The following PSMA1 variants were observed in gnomAD, a reference collection of about 807,000 sequenced individuals.
The protein encoded by PSMA1 is proteasome subunit alpha type-1.
In PSMA1, 3 loss-of-function variants were observed where a neutral mutation model predicts 38.4. That is an observed-to-expected ratio of 0.08 (90% CI 0.04 to 0.20). The LOEUF is 0.20. Ranked by LOEUF, PSMA1 falls within the 10% of genes least tolerant of loss-of-function variation. The pLI is 1.00. For missense variants in PSMA1, 227 were observed against 325.3 expected, an observed-to-expected ratio of 0.70 and a Z score of 2.32; for synonymous variants, 101 against 107.1, an observed-to-expected ratio of 0.94 and a Z score of 0.35.
intron 2 of PSMA1, among the ~76,000 whole-genome samples, chr11:14,563,474 A>C (rs1436222677): frequency 6.6e-6 from 1 of 152,190 alleles, no homozygotes; most frequent in Non-Finnish European, 1.5e-5. Context: ...TGCTTTCAAC[A>C]GCTCTCATTT....
chr11:14,614,400 A>T (rs1852745282), intron 1 of PSMA1, among the ~76,000 whole-genome samples: 1 of 152,082 alleles, frequency 6.6e-6, no homozygotes, highest in Non-Finnish European at 1.5e-5. Flanking sequence ...ATAAGCTGAA[A>T]AAAAAAACCC....
At chr11:14,562,806 A>T (rs1436094159) in intron 2 of PSMA1, among the ~76,000 whole-genome samples, 2 of 151,996 alleles carry the variant, frequency 1.3e-5, no homozygotes, top group African/African-American at 2.4e-5. Context: ...CCTGGACTCA[A>T]GTATCTGCCC....
chr11:14,513,699 C>T lies in PSMA1; in HGVS notation c.415G>A (p.Asp139Asn), dbSNP rs777381326. The change falls in exon 7 of 10, where the codon GAT (aspartate) becomes AAT (asparagine). Residue 139 changes from aspartate to asparagine, a missense_variant and splice_region_variant. By Grantham distance (23) the Asp-to-Asn change is conservative (BLOSUM62 1). Transcript: ENST00000396394. ...GTTTGGAAAATGTGAGGGCCCATAT[C>T]CTACAAATAGAAATAAATACACCAC... Reference protein sequence around the residue: ...GVGLLIAGYDDMGPHIFQTCP... With the variant: ...GVGLLIAGYDNMGPHIFQTCP... The T allele has an allele frequency of 7.6e-6, 12 of 1,574,532 alleles. No individual in the cohort carries two copies. The highest frequency in any genetic ancestry group is 1.0e-5 in the Non-Finnish European group (12 of 1,167,314).
At chr11:14,569,710 G>A (rs940933927) in intron 2 of PSMA1, among the ~76,000 whole-genome samples, 1 of 152,232 alleles carries the variant, frequency 6.6e-6, no homozygotes, top group Non-Finnish European at 1.5e-5. Context: ...AAGCAGCCAG[G>A]AAGCTTGAAC....
intron 2 of PSMA1, among the ~76,000 whole-genome samples, chr11:14,533,857 A>C (rs183044034): frequency 1.3e-5 from 2 of 151,886 alleles, no homozygotes; most frequent in East Asian, 3.9e-4. Context: ...AATGGGAGAA[A>C]GGGGTAGTAG....
intron 5 of PSMA1, chr11:14,514,185 T>C: frequency 2.2e-6 from 3 of 1,342,528 alleles, no homozygotes; most frequent in Non-Finnish European, 2.9e-6. Context: ...TTAAATCCCC[T>C]CTAAAAAGAT....
intron 1 of PSMA1, among the ~76,000 whole-genome samples, chr11:14,621,162 GGCTA>G (rs1340319593): frequency 1.3e-5 from 2 of 152,092 alleles, no homozygotes; most frequent in African/African-American, 4.8e-5. Context: ...TTTGTGAAAT[GGCTA>G]GTGGGCATAA....
chr11:14,574,515 T>C (rs1317041932), intron 2 of PSMA1, among the ~76,000 whole-genome samples: 1 of 152,218 alleles, frequency 6.6e-6, no homozygotes, highest in Non-Finnish European at 1.5e-5. Flanking sequence ...GGTTTGGCTG[T>C]GTTCTCACCC....
chr11:14,626,371 TTCTTA>T (rs891736002), intron 1 of PSMA1, among the ~76,000 whole-genome samples: 9 of 152,222 alleles, frequency 5.9e-5, no homozygotes, highest in Non-Finnish European at 1.3e-4. Flanking sequence ...CTTGTACCTA[TTCTTA>T]TCTTATCTAT....
Position 14,598,785 on chromosome 11 carries a change from T to C in PSMA1, c.21+12181A>G, listed in dbSNP as rs1025110707. 5.9e-5 allele frequency among the ~76,000 whole-genome samples: 9 copies of C among 151,732 alleles called. 1 individual carries two copies. The highest frequency in any genetic ancestry group is 5.9e-4 in the Admixed American group (9 of 15,210). ...ATGTGTGAATTTCATCCTGTCATTA[T>C]GATGTTAGCTGGTTATTTTGCTCAT... is the stretch of plus-strand genomic sequence containing the variant. On this transcript the variant is annotated intron_variant, in intron 2 of 10. Transcript: ENST00000418988.
In PSMA1 at chr11:14,604,979, T is replaced by G. The variant is rs1852625225; in HGVS notation, c.21+5987A>C. Among the ~76,000 whole-genome samples the G allele has an allele frequency of 4.6e-5, 7 of 152,354 alleles. No individual in the cohort carries two copies. The South Asian group carries it at 1.2e-3, about 27-fold the overall frequency. On this transcript the variant is annotated intron_variant, in intron 2 of 10. Transcript: ENST00000418988. ...CTGATGAGCATCTAGGTTGATTCCA[T>G]GTCTTTGCTATTGTGAATAGTGCTG... is the stretch of plus-strand genomic sequence containing the variant.
chr11:14,638,514 TC>T (rs1853139844), intron 1 of PSMA1, among the ~76,000 whole-genome samples: 1 of 19,974 alleles, frequency 5.0e-5, no homozygotes, highest in East Asian at 1.1e-3. Flanking sequence ...CACCTCTCTC[TC>T]TCTCTCTCTC....
At position 14,638,506 on chromosome 11, in the gene PSMA1, CCTCTCT is replaced by C. The variant is rs374243163; in HGVS notation, c.-166+4943_-166+4948del. Among the ~76,000 whole-genome samples the C allele has an allele frequency of 5.2e-3, 165 of 31,890 alleles. 5 individuals are homozygous for C. Among genetic ancestry groups the C allele is most frequent in the East Asian group, 0.014 (18 of 1,304 alleles). The allele number at this position is 31,890 out of a possible 152,430, so 20.9% of individuals were successfully genotyped here. The stretch of plus-strand genomic sequence containing the variant: ...TAAGTTGGCTTAGTGGAGAAACACA[CCTCTCT>C]CTCTCTCTCTCTCTCTCTCTCTCTC... On this transcript the variant is annotated intron_variant, in intron 1 of 10. Coordinates refer to the PSMA1 transcript ENST00000418988.
intron 2 of PSMA1, among the ~76,000 whole-genome samples, chr11:14,529,055 A>G (rs553923175): frequency 2.2e-4 from 33 of 151,664 alleles, no homozygotes; most frequent in Admixed American, 3.3e-4. Context: ...ACACGGACAC[A>G]TGAGACACCC....
intron 2 of PSMA1, among the ~76,000 whole-genome samples, chr11:14,565,182 G>A (rs1479643914): frequency 6.6e-6 from 1 of 152,212 alleles, no homozygotes; most frequent in African/African-American, 2.4e-5. Flanking sequence ...TGTGTATAGA[G>A]TTGTTTTTAG....
chr11:14,643,070 C>T (rs188266220), intron 1 of PSMA1, among the ~76,000 whole-genome samples: 2 of 151,812 alleles, frequency 1.3e-5, no homozygotes, highest in East Asian at 3.9e-4. Flanking sequence ...TAGTTCTTCG[C>T]CTGTGAAGAT....
At chr11:14,546,241 C>G (rs1008086172) in intron 2 of PSMA1, among the ~76,000 whole-genome samples, 1 of 151,138 alleles carries the variant, frequency 6.6e-6, no homozygotes, top group Non-Finnish European at 1.5e-5. Context: ...AAGAGAGGGG[C>G]AAGAGGGTTG....
chr11:14,537,336 C>T (rs1171373875), intron 2 of PSMA1, among the ~76,000 whole-genome samples: 2 of 152,280 alleles, frequency 1.3e-5, no homozygotes, highest in East Asian at 3.9e-4. Context: ...TAAGACTTCC[C>T]TTAAGGATAA....
chr11:14,600,654 T>C (rs1252498801), intron 2 of PSMA1, among the ~76,000 whole-genome samples: 2 of 152,210 alleles, frequency 1.3e-5, no homozygotes, highest in African/African-American at 4.8e-5. Context: ...TGTCATGGCT[T>C]CCCTTGGCTA....
Sources: allele counts gnomAD v4.1 joint callset (sites outside exome capture counted in the v4.1 genomes callset), GRCh38; gene constraint gnomAD v4.1.1; transcripts MANE v1.5; gene names NCBI Gene and HGNC (gene_info 2026-07-23, HGNC 2026-07-21).